The following TARS3 variants were observed in gnomAD, a reference collection of about 807,000 sequenced individuals.
TARS3 encodes threonyl-tRNA synthetase 3, also known as threonine--tRNA ligase 2, cytoplasmic.
In TARS3, 94 loss-of-function variants were observed where a neutral mutation model predicts 103.5. That is an observed-to-expected ratio of 0.91 (90% CI 0.77 to 1.08). The LOEUF is 1.08. Ranked by LOEUF, TARS3 falls within the 50% of genes least tolerant of loss-of-function variation. The pLI, the probability that TARS3 is intolerant of heterozygous loss-of-function variation, is 0.00. For synonymous variants in TARS3, 416 were observed against 355.4 expected (o/e 1.17, Z -1.92); for missense variants, 952 against 995.2 (o/e 0.96, Z 0.58).
chr15:101,715,208 G>T (rs1046936962), intron 3 of TARS3, among the ~76,000 whole-genome samples: 5 of 149,042 alleles, frequency 3.4e-5, no homozygotes, highest in African/African-American at 1.2e-4. Flanking sequence ...GTGCAGTGGC[G>T]GGATCTCGGC....
At chr15:101,662,504 CAAAAACAGAG>C (rs1567322982) in intron 15 of TARS3, among the ~76,000 whole-genome samples, 1 of 151,992 alleles carries the variant, frequency 6.6e-6, no homozygotes, top group East Asian at 1.9e-4. Context: ...ATAAAACAAA[CAAAAACAGAG>C]AAACCCATTC....
chr15:101,698,669 T>TA (rs963279254), intron 10 of TARS3, among the ~76,000 whole-genome samples: 4 of 152,228 alleles, frequency 2.6e-5, no homozygotes, highest in African/African-American at 9.6e-5. Flanking sequence ...GGCTGATAGA[T>TA]AACTTGAGTT....
chr15:101,699,471 A>G (rs1383326623), intron 10 of TARS3: 5 of 456,006 alleles, frequency 1.1e-5, no homozygotes, highest in Non-Finnish European at 1.8e-5. Context: ...ATGCCACTGT[A>G]AAGGCTTTCT....
chr15:101,655,586 G>A (rs1246944221), intron 18 of TARS3, among the ~76,000 whole-genome samples: 1 of 139,786 alleles, frequency 7.2e-6, no homozygotes, highest in African/African-American at 2.8e-5. Context: ...GCACTAGGGC[G>A]CAAATGAGAG....
intron 3 of TARS3, among the ~76,000 whole-genome samples, chr15:101,715,348 G>A (rs974480965): frequency 2.0e-5 from 3 of 151,686 alleles, no homozygotes; most frequent in South Asian, 2.1e-4. Context: ...GGGTTTCACC[G>A]TTTTAGCCGG....
chr15:101,682,558 T>A (rs935596176), intron 12 of TARS3, among the ~76,000 whole-genome samples: 2 of 152,162 alleles, frequency 1.3e-5, no homozygotes, highest in African/African-American at 4.8e-5. Flanking sequence ...GTTGTTTAAA[T>A]TTTTTGATTT....
Position 101,704,049 on chromosome 15 carries a change from CA to C in TARS3, c.996-113del, listed in dbSNP as rs1388837537. On this transcript the variant is annotated intron_variant, in intron 7 of 18. Coordinates refer to ENST00000335968, the MANE Select transcript of TARS3 (RefSeq NM_152334.3). ...TAGAGCTTCACTTATTTATATGTAG[CA>C]ATGCCATTTTTAATTTAGGGTGAAG... 7.4e-6 allele frequency: 5 copies of C among 677,000 alleles called. No individual in the cohort carries two copies. The African/African-American group carries it at 7.4e-5, about 10-fold the overall frequency. The allele number at this position is 677,000 out of a possible 1,614,324, so 41.9% of individuals were successfully genotyped here.
intron 13 of TARS3, among the ~76,000 whole-genome samples, chr15:101,673,996 T>C (rs1166682315): frequency 6.6e-6 from 1 of 152,250 alleles, no homozygotes; most frequent in African/African-American, 2.4e-5. Flanking sequence ...TTACCCGCAG[T>C]CGACTGCAGT....
At chr15:101,687,263 C>T (rs1285059671) in intron 10 of TARS3, among the ~76,000 whole-genome samples, 2 of 151,896 alleles carry the variant, frequency 1.3e-5, no homozygotes, top group Admixed American at 6.6e-5. Context: ...ATTAGCCAGG[C>T]GTGGTGGCAC....
chr15:101,692,004 A>T (rs1184010266), intron 10 of TARS3, among the ~76,000 whole-genome samples: 1 of 152,122 alleles, frequency 6.6e-6, no homozygotes, highest in Non-Finnish European at 1.5e-5. Context: ...GGCCTCCATA[A>T]TCACACAAGC....
chr15:101,673,368 A>C (rs1897890244), intron 13 of TARS3, among the ~76,000 whole-genome samples: 1 of 152,174 alleles, frequency 6.6e-6, no homozygotes, highest in East Asian at 1.9e-4. Flanking sequence ...AATGACAACG[A>C]TACCAACACC....
chr15:101,686,609 T>C (rs1898487564), intron 10 of TARS3, among the ~76,000 whole-genome samples: 1 of 152,186 alleles, frequency 6.6e-6, no homozygotes. Context: ...AGAGTTTTTT[T>C]CCAAGCAAAG....
chr15:101,700,145 C>T (rs955132800), intron 10 of TARS3, among the ~76,000 whole-genome samples: 6 of 152,000 alleles, frequency 3.9e-5, no homozygotes, highest in African/African-American at 1.5e-4. Flanking sequence ...CATAAAAAAA[C>T]TAAGTAAATG....
intron 10 of TARS3, among the ~76,000 whole-genome samples, chr15:101,691,292 ATT>A (rs34211338): frequency 0.29 from 39,970 of 137,822 alleles, 6,208 homozygotes; most frequent in East Asian, 0.7. Flanking sequence ...ATATATATAT[ATT>A]TTTGAAACAG....
Position 101,671,484 on chromosome 15 carries a change from A to T in TARS3, c.1967+2T>A. ...TAATATTTATCACATTCAATCACTCACCTAACATATGTGAGATTAAATCTA... is the reference window on the plus strand; with the variant it reads ...TAATATTTATCACATTCAATCACTCTCCTAACATATGTGAGATTAAATCTA... On this transcript the variant is annotated splice_donor_variant, in intron 15 of 18. Coordinates refer to ENST00000335968, the MANE Select transcript of TARS3 (RefSeq NM_152334.3). LOFTEE classifies it high-confidence loss of function. 1 of 1,594,806 alleles carries T rather than the reference A, an allele frequency of 6.3e-7. No individual in the cohort carries two copies. Among genetic ancestry groups the T allele is most frequent in the Non-Finnish European group, 8.6e-7 (1 of 1,164,296 alleles).
rs139402497 is a variant in TARS3, at chr15:101,665,902, T to C, written c.1968-4086A>G. On this transcript the variant is annotated intron_variant, in intron 15 of 18. Transcript: ENST00000335968. ...AAGTAAGAAAGCTAAGTTTTTACTT[T>C]GGGAAGCGTTAACATTTATGCACAA... is the stretch of plus-strand genomic sequence containing the variant. 3.9e-3 allele frequency among the ~76,000 whole-genome samples: 595 copies of C among 152,314 alleles called. 5 individuals are homozygous for C. Among genetic ancestry groups the C allele is most frequent in the African/African-American group, 0.013 (554 of 41,570 alleles).
At chr15:101,709,661 C>CAG (rs1484373165) in intron 5 of TARS3, among the ~76,000 whole-genome samples, 2 of 152,218 alleles carry the variant, frequency 1.3e-5, no homozygotes, top group Admixed American at 6.5e-5. Context: ...CAGATGGCTG[C>CAG]TTGTGCATTT....
At chr15:101,684,851 T>C (rs1163665737) in intron 11 of TARS3, among the ~76,000 whole-genome samples, 1 of 152,200 alleles carries the variant, frequency 6.6e-6, no homozygotes. Flanking sequence ...TTTCTTATTC[T>C]GAGGTGTAAA....
At chr15:101,704,521 G>C (rs1426296837) in intron 7 of TARS3, among the ~76,000 whole-genome samples, 1 of 151,958 alleles carries the variant, frequency 6.6e-6, no homozygotes, top group Non-Finnish European at 1.5e-5. Context: ...TGGGCGTGGT[G>C]GTGGGCGCCT....
Sources: allele counts gnomAD v4.1 joint callset (sites outside exome capture counted in the v4.1 genomes callset), GRCh38; gene constraint gnomAD v4.1.1; transcripts MANE v1.5; gene names NCBI Gene and HGNC (gene_info 2026-07-23, HGNC 2026-07-21).